PCDHGA6: variants seen among roughly 807,000 people sequenced by gnomAD.
PCDHGA6 encodes the protein protocadherin gamma subfamily A, 6.
A neutral mutation model predicts 60.6 loss-of-function variants in PCDHGA6; 41 were observed. That is an observed-to-expected ratio of 0.68 (90% CI 0.53 to 0.88). PCDHGA6 has a LOEUF of 0.88. PCDHGA6 is among the 40% of genes least tolerant of loss of function. The pLI, the probability that PCDHGA6 is intolerant of heterozygous loss-of-function variation, is 0.00. For synonymous variants in PCDHGA6, 594 were observed against 524.4 expected (o/e 1.13, Z -1.81); for missense variants, 1,312 against 1,203.0 (o/e 1.09, Z -1.34).
At chr5:141,505,993 T>TGCGA (rs2099849805) in intron 3 of PCDHGA6, among the ~76,000 whole-genome samples, 1 of 152,188 alleles carries the variant, frequency 6.6e-6, no homozygotes, top group African/African-American at 2.4e-5. Context: ...CTCCTCTTTA[T>TGCGA]GCGAGGCTCC....
chr5:141,431,610 T>A lies in PCDHGA6; in HGVS notation c.2424+55103T>A. The stretch of plus-strand genomic sequence containing the variant: ...GAAGTGAGGTATTCCTTCCGGTATG[T>A]GGACGACAAGGCGGCCCAAGTTTTC... On this transcript the variant is annotated intron_variant, in intron 1 of 3. Transcript: ENST00000517434. The surrounding 1 kb of genome is among the most constrained non-coding windows in gnomAD (Gnocchi z 4.8). 6.2e-7 allele frequency: 1 copy of A among 1,614,238 alleles called. No homozygotes were observed. Among genetic ancestry groups the A allele is most frequent in the Non-Finnish European group, 8.5e-7 (1 of 1,180,034 alleles).
At chr5:141,384,030 A>G (rs1246971074) in intron 1 of PCDHGA6, 2 of 1,613,466 alleles carry the variant, frequency 1.2e-6, no homozygotes, top group Non-Finnish European at 1.7e-6. Flanking sequence ...GAGATTCTGG[A>G]AAGAATGGTG....
At chr5:141,419,702 G>T (rs116279995) in intron 1 of PCDHGA6, 2 of 1,612,834 alleles carry the variant, frequency 1.2e-6, no homozygotes, top group East Asian at 4.5e-5. Context: ...CAGTGAGCCC[G>T]GGCTCTTCAG....
At chr5:141,467,055 C>CTTTTTTTTTTT (rs1193465269) in intron 1 of PCDHGA6, among the ~76,000 whole-genome samples, 1 of 134,498 alleles carries the variant, frequency 7.4e-6, no homozygotes, top group Non-Finnish European at 1.6e-5. Context: ...TCAATGTTTT[C>CTTTTTTTTTTT]TTTTTTTTTT....
chr5:141,402,746 T>C (rs956909207), intron 1 of PCDHGA6, among the ~76,000 whole-genome samples: 2 of 152,224 alleles, frequency 1.3e-5, no homozygotes, highest in African/African-American at 4.8e-5. Context: ...TGATCAACTC[T>C]AAGCGAAAAT....
intron 1 of PCDHGA6, chr5:141,378,932 C>T (rs1274056612): frequency 1.2e-4 from 18 of 152,100 alleles, no homozygotes; most frequent in Admixed American, 1.2e-3. Context: ...AAGTTGATGG[C>T]CCTGGAATGA....
chr5:141,501,327 AC>A (rs1208116606), intron 2 of PCDHGA6, among the ~76,000 whole-genome samples: 2 of 151,364 alleles, frequency 1.3e-5, no homozygotes, highest in Non-Finnish European at 2.9e-5. Context: ...ACACACACAC[AC>A]ACACACCCCA....
chr5:141,421,834 C>A, intron 1 of PCDHGA6: 2 of 1,613,748 alleles, frequency 1.2e-6, no homozygotes. Flanking sequence ...AAGCCTGGAC[C>A]GAGAGAAAGA....
At chr5:141,443,498 C>G (rs1217918256) in intron 1 of PCDHGA6, among the ~76,000 whole-genome samples, 3 of 152,036 alleles carry the variant, frequency 2.0e-5, no homozygotes, top group Non-Finnish European at 4.4e-5. Context: ...AACAAACAAA[C>G]AAATAAAGAG....
chr5:141,403,667 G>T (rs1386561971), intron 1 of PCDHGA6: 8 of 1,613,910 alleles, frequency 5.0e-6, no homozygotes, highest in Non-Finnish European at 6.8e-6. Flanking sequence ...AAATGATAAT[G>T]CCCCGGTTTT....
At position 141,376,177 on chromosome 5, in the gene PCDHGA6, C is replaced by A. The variant is rs1772377034; in HGVS notation, c.2094C>A (p.Ala698=). ...CTCTGTACCTGGTGGTGGCGGTGGC[C>A]GCGGTCTCCTGCGTCTTCCTGGCCT... is the stretch of plus-strand genomic sequence containing the variant. ...DLTLYLVVAV[A]AVSCVFLAFV... is the part of the protein sequence containing the mutation. Residue 698 remains alanine (A), a synonymous_variant, in exon 1 of 4, where the codon GCC becomes GCA. Coordinates refer to ENST00000517434, the MANE Select transcript of PCDHGA6 (RefSeq NM_018919.3). 6.2e-7 allele frequency: 1 copy of A among 1,614,004 alleles called. No individual in the cohort carries two copies. The highest frequency in any genetic ancestry group is 8.5e-7 in the Non-Finnish European group (1 of 1,180,032).
chr5:141,419,481 C>T (rs2096389716), intron 1 of PCDHGA6: 1 of 1,612,422 alleles, frequency 6.2e-7, no homozygotes, highest in East Asian at 2.2e-5. Flanking sequence ...GGCTCGCCCG[C>T]GCTCAGCGCC....
intron 1 of PCDHGA6, chr5:141,422,710 G>T: frequency 6.2e-7 from 1 of 1,603,486 alleles, no homozygotes; most frequent in African/African-American, 1.3e-5. Context: ...TCTGACGGAT[G>T]ACACTGTCCA....
chr5:141,420,980 C>T (rs1463868271), intron 1 of PCDHGA6: 1 of 484,260 alleles, frequency 2.1e-6, no homozygotes, highest in Non-Finnish European at 3.6e-6. Flanking sequence ...AGAATGGGCT[C>T]TAGGCGCCGC....
At chr5:141,396,515 G>A (rs1162905890) in intron 1 of PCDHGA6, 3 of 152,048 alleles carry the variant, frequency 2.0e-5, no homozygotes, top group Non-Finnish European at 4.4e-5. Flanking sequence ...AGCTACTCGG[G>A]AGGCTGAGGC....
chr5:141,449,283 A>C (rs937339676), intron 1 of PCDHGA6, among the ~76,000 whole-genome samples: 1 of 152,102 alleles, frequency 6.6e-6, no homozygotes, highest in African/African-American at 2.4e-5. Flanking sequence ...CTTCACCCGG[A>C]TGCACCGGGT....
At chr5:141,463,518 G>C (rs537466389) in intron 1 of PCDHGA6, among the ~76,000 whole-genome samples, 1 of 139,068 alleles carries the variant, frequency 7.2e-6, no homozygotes, top group African/African-American at 2.8e-5. Context: ...GCGTGATCTC[G>C]GCTTACTAGA....
At chr5:141,421,618 G>A (rs748399893) in intron 1 of PCDHGA6, 1 of 1,613,766 alleles carries the variant, frequency 6.2e-7, no homozygotes, top group African/African-American at 1.3e-5. Context: ...TAATGATAAC[G>A]CCCCCAGCTT....
At chr5:141,394,948 T>C (rs753376472) in intron 1 of PCDHGA6, 1 of 1,613,884 alleles carries the variant, frequency 6.2e-7, no homozygotes, top group Admixed American at 1.7e-5. Context: ...GCTGTGCTTC[T>C]GGGGCTCAGG....
Sources: gnomAD v4.1 joint callset for allele counts (sites outside exome capture counted in the v4.1 genomes callset) on GRCh38, gnomAD v4.1.1 for gene constraint, Gnocchi (gnomAD v3.1) non-coding constraint, MANE v1.5 for transcripts, NCBI Gene and HGNC (gene_info 2026-07-23, HGNC 2026-07-21) for gene names.